Variants in RBFOX1 observed in about 807,000 individuals in gnomAD.
RBFOX1 encodes RNA binding fox-1 homolog 1.
RBFOX1 carries 8 observed loss-of-function variants against 57.7 expected under a neutral mutation model. The ratio of observed to expected loss-of-function variants is 0.14; its 90% CI spans 0.08 to 0.25. The LOEUF is 0.25. Among genes scored for constraint, RBFOX1 ranks in the 10% least tolerant of loss-of-function variants. The pLI, the probability that RBFOX1 is intolerant of heterozygous loss-of-function variation, is 1.00. For synonymous variants in RBFOX1, 326 were observed against 222.4 expected, an observed-to-expected ratio of 1.47 and a Z score of -4.15; for missense variants, 611 against 548.5, an observed-to-expected ratio of 1.11 and a Z score of -1.14.
intron 1 of RBFOX1, among the ~76,000 whole-genome samples, chr16:6,150,569 C>A (rs1417686464): frequency 6.6e-6 from 1 of 152,200 alleles, no homozygotes; most frequent in Non-Finnish European, 1.5e-5. Context: ...GCAAGGCCAA[C>A]ATCACAGAGA....
rs374375329 is a variant in RBFOX1 at position 7,683,033 on chromosome 16, T to TATATATATATATATAA, written c.995+6196_995+6197insTATATATATATATAAA. 4.3e-3 allele frequency among the ~76,000 whole-genome samples: 110 copies of TATATATATATATATAA among 25,816 alleles called. 2 individuals carry two copies. The highest frequency in any genetic ancestry group is 5.4e-3 in the Admixed American group (10 of 1,868). The allele number at this position is 25,816 out of a possible 152,430, so 16.9% of individuals were successfully genotyped here. On this transcript the variant is annotated intron_variant, in intron 14 of 15. Coordinates refer to ENST00000550418, the MANE Select transcript of RBFOX1 (RefSeq NM_018723.4). ...GTGTATATATATATATATATATATA[T>TATATATATATATATAA]AAAACAGTGCTCCTCTTAAAGTGAT...
chr16:6,373,095 T>A (rs1471889084), intron 2 of RBFOX1, among the ~76,000 whole-genome samples: 5 of 150,860 alleles, frequency 3.3e-5, no homozygotes, highest in African/African-American at 9.8e-5. Context: ...GTAGGAGTAT[T>A]GTTGGGTGGA....
At chr16:6,768,367 G>A (rs1436497395) in intron 3 of RBFOX1, among the ~76,000 whole-genome samples, 1 of 151,810 alleles carries the variant, frequency 6.6e-6, no homozygotes, top group African/African-American at 2.4e-5. Context: ...AGGGTAGATG[G>A]TGTAGTTTTC....
At chr16:6,940,198 A>T (rs766160022) in intron 3 of RBFOX1, among the ~76,000 whole-genome samples, 17 of 113,772 alleles carry the variant, frequency 1.5e-4, no homozygotes, top group Non-Finnish European at 1.9e-4. Flanking sequence ...TCTCAAAAAT[A>T]AAAATAAATA....
chr16:7,581,756 A>G (rs1034388196), intron 6 of RBFOX1, among the ~76,000 whole-genome samples: 3 of 152,104 alleles, frequency 2.0e-5, no homozygotes, highest in African/African-American at 7.2e-5. Context: ...TCACTCTGCT[A>G]CCCAGGCTAG....
At chr16:6,412,064 C>T (rs935198773) in intron 2 of RBFOX1, among the ~76,000 whole-genome samples, 4 of 149,798 alleles carry the variant, frequency 2.7e-5, no homozygotes, top group African/African-American at 9.9e-5. Context: ...ACCCGGGAGG[C>T]AGAGGTTGCA....
intron 4 of RBFOX1, among the ~76,000 whole-genome samples, chr16:7,116,628 T>G (rs1014022288): frequency 1.3e-5 from 2 of 152,164 alleles, no homozygotes; most frequent in African/African-American, 4.8e-5. Context: ...TGTCCAGGGC[T>G]GCGGGAGTTA....
At chr16:6,177,941 C>T (rs1046972637) in intron 1 of RBFOX1, among the ~76,000 whole-genome samples, 3 of 130,618 alleles carry the variant, frequency 2.3e-5, no homozygotes, top group Non-Finnish European at 5.0e-5. Flanking sequence ...AAAAAAAGAG[C>T]CTTTTCACAT....
intron 4 of RBFOX1, among the ~76,000 whole-genome samples, chr16:5,885,949 T>A (rs761780654): frequency 1.3e-4 from 19 of 151,968 alleles, no homozygotes; most frequent in Non-Finnish European, 2.9e-5. Context: ...GGTGATTGGG[T>A]TATGTGGGTG....
chr16:6,210,163 C>A (rs1048501276), intron 1 of RBFOX1, among the ~76,000 whole-genome samples: 2 of 151,038 alleles, frequency 1.3e-5, no homozygotes, highest in Non-Finnish European at 3.0e-5. Context: ...ACCAAAAATA[C>A]AAAACTTAGC....
At chr16:5,319,218 A>T (rs963963562) in intron 1 of RBFOX1, among the ~76,000 whole-genome samples, 1 of 152,230 alleles carries the variant, frequency 6.6e-6, no homozygotes, top group Non-Finnish European at 1.5e-5. Context: ...AAGCATAAGT[A>T]CTTGACCCAC....
intron 3 of RBFOX1, among the ~76,000 whole-genome samples, chr16:7,045,469 G>A (rs929690163): frequency 6.6e-6 from 1 of 151,978 alleles, no homozygotes; most frequent in Non-Finnish European, 1.5e-5. Flanking sequence ...TATTTCCTTG[G>A]CTACTGTTGG....
intron 3 of RBFOX1, among the ~76,000 whole-genome samples, chr16:6,717,982 C>T (rs1463719497): frequency 6.6e-6 from 1 of 152,168 alleles, no homozygotes; most frequent in Admixed American, 6.5e-5. Flanking sequence ...GGCCTTCTCT[C>T]CCCTGCACCA....
intron 2 of RBFOX1, among the ~76,000 whole-genome samples, chr16:6,525,552 G>A (rs1314594151): frequency 6.6e-6 from 1 of 152,142 alleles, no homozygotes; most frequent in East Asian, 1.9e-4. Context: ...AATTTCTAAA[G>A]AACAGAAATT....
chr16:5,369,715 G>T (rs2065812097), intron 1 of RBFOX1, among the ~76,000 whole-genome samples: 1 of 152,138 alleles, frequency 6.6e-6, no homozygotes, highest in Non-Finnish European at 1.5e-5. Flanking sequence ...TCTCAGTCAG[G>T]ATCCTTTGTG....
At chr16:6,599,174 CAT>C (rs2097816327) in intron 2 of RBFOX1, among the ~76,000 whole-genome samples, 1 of 152,160 alleles carries the variant, frequency 6.6e-6, no homozygotes, top group Non-Finnish European at 1.5e-5. Context: ...TTCTAACCCA[CAT>C]GTTTCTACTG....
chr16:5,393,099 G>A (rs1184698510), intron 1 of RBFOX1, among the ~76,000 whole-genome samples: 1 of 152,064 alleles, frequency 6.6e-6, no homozygotes, highest in Non-Finnish European at 1.5e-5. Flanking sequence ...TGTGGCTCAG[G>A]GCCTCAGCAG....
intron 12 of RBFOX1, among the ~76,000 whole-genome samples, chr16:7,654,937 C>A (rs2065943953): frequency 6.6e-6 from 1 of 152,168 alleles, no homozygotes; most frequent in South Asian, 2.1e-4. Flanking sequence ...AGCTGAGAAA[C>A]CCTGCTCTAT....
chr16:7,422,576 T>G (rs1882549430), intron 4 of RBFOX1, among the ~76,000 whole-genome samples: 1 of 152,168 alleles, frequency 6.6e-6, no homozygotes, highest in Admixed American at 6.5e-5. Flanking sequence ...CATAGTGCAT[T>G]AACCGGATGG....
Sources: allele counts gnomAD v4.1 joint callset (sites outside exome capture counted in the v4.1 genomes callset), GRCh38; gene constraint gnomAD v4.1.1; transcripts MANE v1.5; gene names NCBI Gene and HGNC (gene_info 2026-07-23, HGNC 2026-07-21).